The following RNH1 variants were observed in gnomAD, a reference collection of about 807,000 sequenced individuals.
The protein encoded by RNH1 is ribonuclease/angiogenin inhibitor 1, also known as ribonuclease inhibitor.
A neutral mutation model predicts 46.1 loss-of-function variants in RNH1; 38 were observed. The observed-to-expected ratio is 0.82, with a 90% confidence interval of 0.64 to 1.08. The LOEUF (loss-of-function observed/expected upper bound fraction) is 1.08. Ranked by LOEUF, RNH1 falls within the 50% of genes least tolerant of loss-of-function variation. The pLI, the probability that RNH1 is intolerant of heterozygous loss-of-function variation, is 0.00. For missense variants in RNH1, 577 were observed against 590.7 expected (o/e 0.98, Z 0.24); for synonymous variants, 319 against 279.1 (o/e 1.14, Z -1.43).
At chr11:503,565 G>T (rs932179760) in intron 2 of RNH1, 2 of 151,596 alleles carry the variant, frequency 1.3e-5, no homozygotes, top group African/African-American at 4.8e-5. Flanking sequence ...AACCGACCAG[G>T]GTGTGGTCAC....
chr11:499,296 G>A, intron 5 of RNH1, 111 bp from the exon 6 acceptor site: 1 of 1,186,614 alleles, frequency 8.4e-7, no homozygotes, highest in Non-Finnish European at 1.2e-6. Flanking sequence ...CTTCTGCCTG[G>A]GCATCAGGTG....
intron 1 of RNH1, chr11:506,639 T>C (rs1292219521): frequency 6.6e-6 from 1 of 152,302 alleles, no homozygotes; most frequent in Non-Finnish European, 1.5e-5. Flanking sequence ...GTGGGAGCCG[T>C]TCGAGTCTTC....
In RNH1 at chr11:502,170, GT is replaced by G; in HGVS notation, c.-9del. 1 of 1,603,164 alleles carries G rather than the reference GT, an allele frequency of 6.2e-7. No homozygotes were observed. Among genetic ancestry groups the G allele is most frequent in the Non-Finnish European group, 8.5e-7 (1 of 1,173,676 alleles). ...CTGGATGTCCAGGCTCATGGTGGAG[GT>G]GAAGAGTGGCCTGGGTGGGAGGCAG... On this transcript the variant is annotated 5_prime_UTR_variant, in exon 3 of 11. Transcript: ENST00000354420. This position sits in a 1 kb window ranked among gnomAD's most constrained non-coding sequence, Gnocchi z 5.8.
intron 9 of RNH1, among the ~76,000 whole-genome samples, chr11:496,561 C>T (rs574925755): frequency 1.3e-5 from 2 of 152,246 alleles, no homozygotes; most frequent in South Asian, 2.1e-4. Context: ...CCCAGCTACT[C>T]GGGAGGTTGA....
chr11:497,046 T>A (rs1025307015), intron 9 of RNH1, among the ~76,000 whole-genome samples: 46 of 152,108 alleles, frequency 3.0e-4, no homozygotes, highest in African/African-American at 1.0e-3. Context: ...GCACCCTCAC[T>A]CTCGCCCATG....
chr11:500,988 C>T, intron 3 of RNH1: 4 of 390,910 alleles, frequency 1.0e-5, no homozygotes, highest in Non-Finnish European at 2.0e-5. Flanking sequence ...AGTAGCCGGG[C>T]GTGGTGGCGC....
chr11:500,798 A>T, intron 3 of RNH1, 144 bp from the exon 4 acceptor site: 3 of 934,234 alleles, frequency 3.2e-6, no homozygotes, highest in Non-Finnish European at 5.0e-6. Flanking sequence ...GAAATGAAAC[A>T]AAAAGGAGGA....
In RNH1 at chr11:502,095, A is replaced by G; in HGVS notation, c.68T>C (p.Leu23Pro). ...EELSDARWAE[L>P]LPLLQQCQVV... The stretch of plus-strand genomic sequence containing the variant: ...TTGGCACTGCTGGAGCAGAGGGAGG[A>G]GCTCGGCCCATCTAGCGTCGCTCAG... Residue 23 changes from leucine to proline, a missense_variant, in exon 3 of 11, where the codon CTC becomes CCC. Physicochemically the swap from Leu to Pro is moderately conservative, Grantham distance 98 (BLOSUM62 -3). Transcript: ENST00000354420. This position sits in a 1 kb window ranked among gnomAD's most constrained non-coding sequence, Gnocchi z 5.8. 3.1e-6 allele frequency: 5 copies of G among 1,611,978 alleles called. No homozygotes were observed. The highest frequency in any genetic ancestry group is 4.2e-6 in the Non-Finnish European group (5 of 1,179,548).
rs1849892821 is a variant in RNH1, at chr11:502,942, G to T, written c.-87-693C>A. The T allele has an allele frequency of 6.6e-6, 1 of 152,316 alleles. No individual in the cohort carries two copies. The highest frequency in any genetic ancestry group is 1.5e-5 in the Non-Finnish European group (1 of 68,106). 9.4% of individuals were successfully genotyped at this position (152,316 alleles called of 1,614,324 possible). A position where few individuals can be genotyped will look rare whatever the true frequency, so the allele number is the denominator to read the frequency against. On this transcript the variant is annotated intron_variant, in intron 2 of 10. Coordinates refer to ENST00000354420, the MANE Select transcript of RNH1 (RefSeq NM_203387.3). The surrounding 1 kb of genome is among the most constrained non-coding windows in gnomAD (Gnocchi z 5.8). ...TCCCCAGGCACAGGCCCTGAATATGGAAGGAGGTTCCTGAGGCCCTGAGAG... is the reference window on the plus strand; with the variant it reads ...TCCCCAGGCACAGGCCCTGAATATGTAAGGAGGTTCCTGAGGCCCTGAGAG...
chr11:496,344 C>G (rs1440441876), intron 9 of RNH1, among the ~76,000 whole-genome samples: 1 of 152,028 alleles, frequency 6.6e-6, no homozygotes, highest in Non-Finnish European at 1.5e-5. Flanking sequence ...GACCAGCCTG[C>G]CCAACATGGT....
At chr11:497,950 T>C in intron 9 of RNH1, 21 bp downstream of exon 9, 2 of 1,606,684 alleles carry the variant, frequency 1.2e-6, no homozygotes, top group Non-Finnish European at 1.7e-6. Context: ...ATGTGCATAC[T>C]CGTGTCCCTC....
At chr11:506,348 C>G (rs1024380401) in intron 1 of RNH1, 5 of 152,318 alleles carry the variant, frequency 3.3e-5, no homozygotes, top group African/African-American at 1.2e-4. Flanking sequence ...CTGGTTTCCC[C>G]CAAGGCGCGT....
intron 9 of RNH1, 117 bp from the exon 10 acceptor site, chr11:495,170 C>T: frequency 9.4e-7 from 1 of 1,066,648 alleles, no homozygotes; most frequent in Non-Finnish European, 1.4e-6. Context: ...ACTCAGGACC[C>T]TCAGGTGGGG....
chr11:498,530 C>A lies in RNH1; in HGVS notation c.883G>T (p.Glu295Ter), dbSNP rs755798963. 6.2e-7 allele frequency: 1 copy of A among 1,613,326 alleles called. No homozygotes were observed. Among genetic ancestry groups the A allele is most frequent in the South Asian group, 1.1e-5 (1 of 91,088 alleles). ...SLKELSLAGN[E>*]LGDEGARLLC... ...AGTCGGGCACCCTCATCCCCCAGCT[C>A]GTTGCCGGCCAGGCTGAGCTCCTTC... is the stretch of plus-strand genomic sequence containing the variant. Residue 295 changes from glutamate to a stop codon, truncating the protein, a stop_gained, in exon 8 of 11, where the codon GAG (glutamate) becomes TAG (stop). Coordinates refer to ENST00000354420, the MANE Select transcript of RNH1 (RefSeq NM_203387.3). LOFTEE classifies it high-confidence loss of function.
intron 7 of RNH1, 68 bp from the exon 8 acceptor site, chr11:498,695 G>T: frequency 1.3e-6 from 2 of 1,597,258 alleles, no homozygotes. Flanking sequence ...GCCCAGGGGC[G>T]GGGGAGAGCT....
chr11:502,158 C>T lies in RNH1; in HGVS notation c.5G>A (p.Ser2Asn). The T allele has an allele frequency of 6.2e-7, 1 of 1,604,870 alleles. No homozygotes were observed. The highest frequency in any genetic ancestry group is 8.5e-7 in the Non-Finnish European group (1 of 1,175,114). Residue 2 changes from serine (S) to asparagine (N), a missense_variant, in exon 3 of 11, where the codon AGC becomes AAC. Physicochemically the swap from Ser to Asn is conservative, Grantham distance 46. Coordinates refer to ENST00000354420, the MANE Select transcript of RNH1 (RefSeq NM_203387.3). The surrounding 1 kb of genome is among the most constrained non-coding windows in gnomAD (Gnocchi z 5.8). ...GATGTCCAGGCTCTGGATGTCCAGG[C>T]TCATGGTGGAGGTGAAGAGTGGCCT... M[S>N]LDIQSLDIQC...
chr11:494,947 C>T lies in RNH1; in HGVS notation c.1234G>A (p.Asp412Asn), dbSNP rs1236791693. Residue 412 changes from aspartate (D) to asparagine (N), a missense_variant, in exon 10 of 11, where the codon GAC (aspartate) becomes AAC (asparagine). Physicochemically the swap from Asp to Asn is conservative, Grantham distance 23 (BLOSUM62 1). Transcript: ENST00000354420. Reference protein sequence around the residue: ...ELDLSNNCLGDAGILQLVESV... With the variant: ...ELDLSNNCLGNAGILQLVESV... ...TCCACCAGCTGCAGGATGCCGGCGT[C>T]CCCCAGGCAGTTGTTGCTGAGGTCC... 3 of 1,607,696 alleles carry T rather than the reference C, an allele frequency of 1.9e-6. No individual in the cohort carries two copies. The highest frequency in any genetic ancestry group is 2.5e-6 in the Non-Finnish European group (3 of 1,177,550).
At chr11:496,002 C>T (rs1033967722) in intron 9 of RNH1, among the ~76,000 whole-genome samples, 3 of 151,888 alleles carry the variant, frequency 2.0e-5, no homozygotes, top group East Asian at 1.9e-4. Context: ...AACAAAACAT[C>T]GAAAAGAAAA....
rs1168691333 is a variant in RNH1, at chr11:501,366, CAG to C, written c.101+694_101+695del. On this transcript the variant is annotated intron_variant, in intron 3 of 10. Transcript: ENST00000354420. The surrounding 1 kb of genome is among the most constrained non-coding windows in gnomAD (Gnocchi z 4.1). Reference sequence around the variant, plus strand: ...CCAGACCCTCAGACCACCAAGAACCCAGAGAGACGAGGGGACAGTCACAGACG... The same window carrying C: ...CCAGACCCTCAGACCACCAAGAACCCAGAGACGAGGGGACAGTCACAGACG... 1 of 164,208 alleles carries C rather than the reference CAG, an allele frequency of 6.1e-6. No homozygotes were observed. The highest frequency in any genetic ancestry group is 1.3e-5 in the Non-Finnish European group (1 of 74,814). 10.2% of individuals were successfully genotyped at this position (164,208 alleles called of 1,614,324 possible).
Sources: gnomAD v4.1 joint callset for allele counts (sites outside exome capture counted in the v4.1 genomes callset) on GRCh38, gnomAD v4.1.1 for gene constraint, Gnocchi (gnomAD v3.1) non-coding constraint, MANE v1.5 for transcripts, NCBI Gene and HGNC (gene_info 2026-07-23, HGNC 2026-07-21) for gene names.